Variants in ANGEL2 observed in about 807,000 individuals in gnomAD.
ANGEL2 encodes RNA 2',3'-cyclic phosphatase ANGEL2.
A neutral mutation model predicts 66.0 loss-of-function variants in ANGEL2; 41 were observed. That is an observed-to-expected ratio of 0.62 (90% confidence interval 0.48 to 0.81). The LOEUF is 0.81. Ranked by LOEUF, ANGEL2 falls within the 30% of genes least tolerant of loss-of-function variation. The pLI, the probability that ANGEL2 is intolerant of heterozygous loss-of-function variation, is 0.00. For missense variants in ANGEL2, 561 were observed against 641.6 expected (o/e 0.87, Z 1.36); for synonymous variants, 208 against 226.5 (o/e 0.92, Z 0.73).
At chr1:213,012,972 G>T in intron 2 of ANGEL2, 121 bp downstream of exon 2, 2 of 950,502 alleles carry the variant, frequency 2.1e-6, no homozygotes, top group East Asian at 2.6e-5. Context: ...TAAAACTACT[G>T]GCTAAAAGTC....
intron 5 of ANGEL2, chr1:213,001,908 TCCA>T (rs911118046): frequency 1.2e-5 from 2 of 160,760 alleles, no homozygotes; most frequent in Non-Finnish European, 2.7e-5. Context: ...TCTTGCTATT[TCCA>T]CCACATCTAC....
intron 8 of ANGEL2, among the ~76,000 whole-genome samples, chr1:212,996,820 C>T (rs2076038107): frequency 6.6e-6 from 1 of 151,496 alleles, no homozygotes; most frequent in South Asian, 2.1e-4. Context: ...ACAACATACT[C>T]AGTTCCTGTC....
At chr1:212,996,772 C>G (rs2076036825) in intron 8 of ANGEL2, among the ~76,000 whole-genome samples, 1 of 150,358 alleles carries the variant, frequency 6.7e-6, no homozygotes, top group Non-Finnish European at 1.5e-5. Flanking sequence ...GGCAGGACGC[C>G]TCGGTAAAAT....
In ANGEL2 at chr1:213,013,388, ACTC is replaced by A. The variant is rs2076558493; in HGVS notation, c.87_89del (p.Arg29del). 1 of 1,613,510 alleles carries A rather than the reference ACTC, an allele frequency of 6.2e-7. No homozygotes were observed. On this transcript the variant is annotated inframe_deletion, in exon 2 of 9. Transcript: ENST00000366962. ...ACGGTGTAGTCCAGTCTCTGCCCAG[ACTC>A]CTCGAGTGATGGGGAAACATGGGGT...
At position 213,006,024 on chromosome 1, in the gene ANGEL2, C is replaced by T. The variant is rs148243169; in HGVS notation, c.713-570G>A. Among the ~76,000 whole-genome samples, 433 of 152,282 alleles carry T rather than the reference C, an allele frequency of 2.8e-3. 1 individual carries two copies. Among genetic ancestry groups the T allele is most frequent in the Middle Eastern group, 6.8e-3 (2 of 294 alleles). ...CAGAAAACTATCATTACTTAATATGCTATTTACTTATTTATTTGGTTAGCC... is the reference window on the plus strand; with the variant it reads ...CAGAAAACTATCATTACTTAATATGTTATTTACTTATTTATTTGGTTAGCC... On this transcript the variant is annotated intron_variant, in intron 4 of 8. Transcript: ENST00000366962.
chr1:212,996,639 AAATATATATAT>A (rs1248783166), intron 8 of ANGEL2, among the ~76,000 whole-genome samples: 16 of 61,682 alleles, frequency 2.6e-4, no homozygotes, highest in Non-Finnish European at 6.7e-4. Context: ...AAAAAAAAAA[AAATATATATAT>A]ATATATATAT....
intron 2 of ANGEL2, among the ~76,000 whole-genome samples, chr1:213,012,293 GT>G (rs11345866): frequency 0.99 from 150,005 of 152,252 alleles, 73,937 homozygotes; most frequent in East Asian, 1. Flanking sequence ...CTTCTCTCAA[GT>G]TATCTTCAGA....
intron 4 of ANGEL2, 114 bp from the exon 5 acceptor site, chr1:213,005,568 G>A (rs1266191115): frequency 1.8e-6 from 2 of 1,113,388 alleles, no homozygotes; most frequent in East Asian, 2.4e-5. Flanking sequence ...CAAAACATTA[G>A]TAATGTAGGA....
chr1:213,005,193 A>C lies in ANGEL2; in HGVS notation c.974T>G (p.Leu325Trp), dbSNP rs1368595708. Residue 325 changes from leucine (L) to tryptophan (W), a missense_variant, in exon 5 of 9, where the codon TTG becomes TGG. Physicochemically the swap from Leu to Trp is moderately conservative, Grantham distance 61 (BLOSUM62 -2). Transcript: ENST00000366962. ...PRRGDIKLTQ[L>W]AMLLAEISSV... is the part of the protein sequence containing the mutation. Reference sequence around the variant, plus strand: ...GGAAATCTCTGCCAGTAGCATTGCCAATTGCGTCAGCTTAATATCACCTCG... The same window carrying C: ...GGAAATCTCTGCCAGTAGCATTGCCCATTGCGTCAGCTTAATATCACCTCG... 6.2e-7 allele frequency: 1 copy of C among 1,614,146 alleles called. No homozygotes were observed. Among genetic ancestry groups the C allele is most frequent in the Non-Finnish European group, 8.5e-7 (1 of 1,180,060 alleles).
chr1:213,011,337 C>T, intron 2 of ANGEL2: 1 of 1,239,750 alleles, frequency 8.1e-7, no homozygotes, highest in Non-Finnish European at 1.0e-6. Flanking sequence ...ACAAATCCTT[C>T]AAATACCACT....
intron 8 of ANGEL2, among the ~76,000 whole-genome samples, chr1:212,995,672 C>T (rs948372587): frequency 2.6e-5 from 4 of 152,192 alleles, no homozygotes; most frequent in Admixed American, 1.3e-4. Context: ...ACTCTCCTGC[C>T]ACCAAGTGAA....
intron 8 of ANGEL2, among the ~76,000 whole-genome samples, chr1:212,996,079 A>G (rs980173696): frequency 6.6e-5 from 10 of 151,908 alleles, no homozygotes; most frequent in Admixed American, 3.9e-4. Flanking sequence ...AGGCCGAGGC[A>G]GGCAGATCAT....
intron 7 of ANGEL2, among the ~76,000 whole-genome samples, chr1:212,997,922 A>C (rs1458758430): frequency 6.6e-6 from 1 of 152,146 alleles, no homozygotes; most frequent in African/African-American, 2.4e-5. Context: ...TTATCCAACA[A>C]ACATTTACCA....
chr1:213,000,110 T>C (rs1323568454), intron 7 of ANGEL2, among the ~76,000 whole-genome samples: 3 of 152,192 alleles, frequency 2.0e-5, no homozygotes, highest in African/African-American at 7.2e-5. Flanking sequence ...ACAAAGAAAC[T>C]GAACCTCAGA....
chr1:213,006,091 T>G (rs575843321), intron 4 of ANGEL2, among the ~76,000 whole-genome samples: 2 of 152,330 alleles, frequency 1.3e-5, no homozygotes, highest in Middle Eastern at 6.8e-3. Flanking sequence ...GGAGAAATTT[T>G]TTTAATCTTT....
rs1392128140 is a variant in ANGEL2, at chr1:213,005,061, A to T, written c.1106T>A (p.Leu369Ter). 1.3e-6 allele frequency: 2 copies of T among 1,578,014 alleles called. No individual in the cohort carries two copies. The highest frequency in any genetic ancestry group is 1.7e-6 in the Non-Finnish European group (2 of 1,165,988). ...TCCTATGGGAAGTCCTTCATAATTC[A>T]ATTTTCCTTCCTTTATGAAACTATA... The part of the protein sequence containing the change: ...PLYSFIKEGK[L>*]NYEGLPIGKV... Residue 369 changes from leucine to a stop codon, truncating the protein, a stop_gained, in exon 5 of 9, where the codon TTG becomes TAG. Transcript: ENST00000366962. LOFTEE classifies it high-confidence loss of function.
chr1:213,003,691 T>C (rs1378782936), intron 5 of ANGEL2, among the ~76,000 whole-genome samples: 1 of 152,156 alleles, frequency 6.6e-6, no homozygotes, highest in Non-Finnish European at 1.5e-5. Context: ...ATGTTAATAA[T>C]AATGAAAATG....
chr1:213,000,905 C>A lies in ANGEL2; in HGVS notation c.1142G>T (p.Gly381Val), dbSNP rs1308320361. The change falls in exon 6 of 9, where the codon GGC (glycine) becomes GTC (valine). Residue 381 changes from glycine (G) to valine (V), a missense_variant. Coordinates refer to ENST00000366962, the MANE Select transcript of ANGEL2 (RefSeq NM_144567.5). Reference protein sequence around the residue: ...YEGLPIGKVSGQEQSSRGQRI... With the variant: ...YEGLPIGKVSVQEQSSRGQRI... ...TTGTCCCCGTGAAGACTGTTCCTGGCCAGATACCTAAACAAAATTTCAACA... is the reference window on the plus strand; with the variant it reads ...TTGTCCCCGTGAAGACTGTTCCTGGACAGATACCTAAACAAAATTTCAACA... The A allele has an allele frequency of 6.2e-7, 1 of 1,605,400 alleles. No individual in the cohort carries two copies. Among genetic ancestry groups the A allele is most frequent in the Non-Finnish European group, 8.5e-7 (1 of 1,178,326 alleles).
intron 5 of ANGEL2, among the ~76,000 whole-genome samples, chr1:213,002,513 G>A (rs933147439): frequency 8.5e-5 from 13 of 152,178 alleles, no homozygotes; most frequent in Non-Finnish European, 1.3e-4. Context: ...AGCTATATTA[G>A]CTCCTAACAA....
Sources: allele counts gnomAD v4.1 joint callset (sites outside exome capture counted in the v4.1 genomes callset), GRCh38; gene constraint gnomAD v4.1.1; transcripts MANE v1.5; gene names NCBI Gene and HGNC (gene_info 2026-07-23, HGNC 2026-07-21).